Variants in CSMD2 observed in about 807,000 individuals in gnomAD.
CSMD2 encodes CUB and sushi domain-containing protein 2.
In CSMD2, 130 loss-of-function variants were observed where a neutral mutation model predicts 398.5. That is an observed-to-expected ratio of 0.33 (90% CI 0.28 to 0.38). The LOEUF (loss-of-function observed/expected upper bound fraction) is 0.38. Ranked by LOEUF, CSMD2 falls within the 10% of genes least tolerant of loss-of-function variation. CSMD2 has a pLI of 1.00. For missense variants in CSMD2, 3,829 were observed against 4,764.9 expected, an observed-to-expected ratio of 0.80 and a Z score of 5.78; for synonymous variants, 1,828 against 1,908.5, an observed-to-expected ratio of 0.96 and a Z score of 1.10.
chr1:33,977,526 C>T (rs759070585), intron 3 of CSMD2, among the ~76,000 whole-genome samples: 3 of 152,082 alleles, frequency 2.0e-5, no homozygotes, highest in Non-Finnish European at 2.9e-5. Context: ...CTCAGTGGTG[C>T]TCTGTTGCCT....
At chr1:33,863,861 G>C in intron 5 of CSMD2, 2 of 215,730 alleles carry the variant, frequency 9.3e-6, no homozygotes, top group Non-Finnish European at 1.8e-5. Flanking sequence ...TATTTCTGGG[G>C]GACATAGCTG....
chr1:34,165,638 T>A, upstream of CSMD2: 2 of 961,334 alleles, frequency 2.1e-6, no homozygotes, highest in Middle Eastern at 2.1e-4. Flanking sequence ...ACACACGCAC[T>A]CACACACACA....
At position 33,636,254 on chromosome 1, in the gene CSMD2, C is replaced by G. The variant is rs948530986; in HGVS notation, c.4969+106G>C. The G allele has an allele frequency of 1.9e-5, 21 of 1,129,576 alleles. No individual in the cohort carries two copies. The African/African-American group carries it at 2.8e-4, about 15-fold the overall frequency. The allele number at this position is 1,129,576 out of a possible 1,614,324, so 70.0% of individuals were successfully genotyped here. On this transcript the variant is annotated intron_variant, in intron 30 of 70. Transcript: ENST00000373381. This position sits in a 1 kb window ranked among gnomAD's most constrained non-coding sequence, Gnocchi z 4.8. ...CCCAGGTTTGCCAGGCTTGGAGGAG[C>G]CGGGCTTGAGGACCTTGCCCCCCTC...
At chr1:33,528,482 T>C (rs776007469) in intron 64 of CSMD2, among the ~76,000 whole-genome samples, 2 of 152,242 alleles carry the variant, frequency 1.3e-5, no homozygotes, top group African/African-American at 2.4e-5. Flanking sequence ...CACAGAATGC[T>C]GTGGAGAAAG....
At chr1:33,619,340 A>G (rs1425345554) in intron 37 of CSMD2, among the ~76,000 whole-genome samples, 1 of 152,194 alleles carries the variant, frequency 6.6e-6, no homozygotes, top group Non-Finnish European at 1.5e-5. Flanking sequence ...AGGCTCCCTG[A>G]GGAGCCCACG....
chr1:33,806,791 G>C (rs917140761), intron 10 of CSMD2, among the ~76,000 whole-genome samples: 3 of 152,148 alleles, frequency 2.0e-5, no homozygotes, highest in Admixed American at 6.5e-5. Context: ...TCAGTGAATG[G>C]ATTTAACAGA....
In CSMD2 at chr1:33,725,649, G is replaced by T. The variant is rs150787225; in HGVS notation, c.2508-113C>A. ...CCGAATAACCAGATTTTGGCAGGCT[G>T]GGATCTTTTAATATAATTTGCACAC... On this transcript the variant is annotated intron_variant, in intron 16 of 70. Transcript: ENST00000373381. The T allele has an allele frequency of 1.1e-3, 1,006 of 916,274 alleles. 7 individuals carry two copies. The African/African-American group carries it at 0.014, about 13-fold the overall frequency. 56.8% of individuals were successfully genotyped at this position (916,274 alleles called of 1,614,324 possible). A position where few individuals can be genotyped will look rare whatever the true frequency, so the allele number is the denominator to read the frequency against.
chr1:33,636,214 C>T lies in CSMD2; in HGVS notation c.4969+146G>A, dbSNP rs1642791165. ...TAGTGAATTATAAGCCACTTCTATA[C>T]ACATCCACGGCAAACCCAGGTTTGC... On this transcript the variant is annotated intron_variant, in intron 30 of 70. Coordinates refer to ENST00000373381, the MANE Select transcript of CSMD2 (RefSeq NM_001281956.2). The surrounding 1 kb of genome is among the most constrained non-coding windows in gnomAD (Gnocchi z 4.8). The T allele has an allele frequency of 5.8e-6, 4 of 686,468 alleles. No homozygotes were observed. Among genetic ancestry groups the T allele is most frequent in the Non-Finnish European group, 9.8e-6 (4 of 409,512 alleles). 42.5% of individuals were successfully genotyped at this position (686,468 alleles called of 1,614,324 possible).
chr1:33,904,299 C>A (rs914544212), intron 5 of CSMD2, among the ~76,000 whole-genome samples: 1 of 151,876 alleles, frequency 6.6e-6, no homozygotes, highest in Non-Finnish European at 1.5e-5. Context: ...TGTGGGAGGT[C>A]GTGGAGAAGG....
At chr1:33,617,753 G>C in intron 37 of CSMD2, 136 bp from the exon 38 acceptor site, 1 of 669,766 alleles carries the variant, frequency 1.5e-6, no homozygotes, top group Admixed American at 2.2e-5. Flanking sequence ...CTGTAGGCTA[G>C]TTCTTCCCAA....
At position 33,671,620 on chromosome 1, in the gene CSMD2, A is replaced by G. The variant is rs143500098; in HGVS notation, c.4053-8528T>C. Among the ~76,000 whole-genome samples the G allele has an allele frequency of 5.3e-5, 8 of 152,216 alleles. No homozygotes were observed. The East Asian group carries it at 1.5e-3, about 29-fold the overall frequency. On this transcript the variant is annotated intron_variant, in intron 25 of 70. Coordinates refer to ENST00000373381, the MANE Select transcript of CSMD2 (RefSeq NM_001281956.2). ...CACCAACCAATAGCAGGCCCTAGCT[A>G]AGGGTGGACCCACCTGGCCCTCACT... is the stretch of plus-strand genomic sequence containing the variant.
chr1:34,086,075 C>T (rs1045427996), intron 2 of CSMD2, among the ~76,000 whole-genome samples: 59 of 151,314 alleles, frequency 3.9e-4, no homozygotes, highest in African/African-American at 1.3e-3. Flanking sequence ...AAAGACTCGA[C>T]CACACATGTG....
At chr1:34,044,742 G>A (rs1402580563) in intron 2 of CSMD2, among the ~76,000 whole-genome samples, 1 of 152,134 alleles carries the variant, frequency 6.6e-6, no homozygotes, top group African/African-American at 2.4e-5. Context: ...GGAATAAATA[G>A]TAATATAGCA....
chr1:33,605,459 G>T lies in CSMD2; in HGVS notation c.6355C>A (p.Gln2119Lys). 6.2e-7 allele frequency: 1 copy of T among 1,614,154 alleles called. No individual in the cohort carries two copies. Among genetic ancestry groups the T allele is most frequent in the Non-Finnish European group, 8.5e-7 (1 of 1,180,016 alleles). The change falls in exon 42 of 71, where the codon CAA becomes AAA. Residue 2119 changes from glutamine to lysine, a missense_variant. This residue lies in a region of CSMD2 where 2,001 missense variants were observed against 2,567.1 expected (regional missense o/e 0.78). Transcript: ENST00000373381. ...FKLEYQAYEL[Q>K]ECPDPEPFAN... is the part of the protein sequence containing the mutation. ...AAGGGCTCTGGGTCTGGGCACTCTTGAAGTTCATAGGCTGGAAAAGATCCG... is the reference window on the plus strand; with the variant it reads ...AAGGGCTCTGGGTCTGGGCACTCTTTAAGTTCATAGGCTGGAAAAGATCCG...
At chr1:34,036,602 G>A (rs1651156860) in intron 2 of CSMD2, among the ~76,000 whole-genome samples, 1 of 152,182 alleles carries the variant, frequency 6.6e-6, no homozygotes, top group African/African-American at 2.4e-5. Flanking sequence ...CTTGATTGCA[G>A]TGATGGTTAT....
intron 13 of CSMD2, among the ~76,000 whole-genome samples, chr1:33,755,379 G>A (rs1648840760): frequency 6.6e-6 from 1 of 152,220 alleles, no homozygotes; most frequent in African/African-American, 2.4e-5. Context: ...CACTGTGTGA[G>A]TTTCTCAAGG....
chr1:33,990,306 G>A (rs991436116), intron 3 of CSMD2, among the ~76,000 whole-genome samples: 2 of 152,154 alleles, frequency 1.3e-5, no homozygotes. Flanking sequence ...CAAAAAAAGT[G>A]ATAGGATGTA....
chr1:33,950,222 T>C (rs1644960162), intron 3 of CSMD2, among the ~76,000 whole-genome samples: 1 of 152,190 alleles, frequency 6.6e-6, no homozygotes, highest in African/African-American at 2.4e-5. Context: ...AGTAGGATCA[T>C]GGCTCTTCCC....
chr1:33,620,796 T>C (rs1346241456), intron 37 of CSMD2, among the ~76,000 whole-genome samples: 1 of 148,902 alleles, frequency 6.7e-6, no homozygotes, highest in Non-Finnish European at 1.5e-5. Context: ...TGCTTCTAGC[T>C]GTCCTGGGTC....
Sources: gnomAD v4.1 joint callset for allele counts (sites outside exome capture counted in the v4.1 genomes callset) on GRCh38, gnomAD v4.1.1 for gene constraint, gnomAD v4.1.1 regional missense constraint, Gnocchi (gnomAD v3.1) non-coding constraint, MANE v1.5 for transcripts, NCBI Gene and HGNC (gene_info 2026-07-23, HGNC 2026-07-21) for gene names.